RBFOX1: variants seen among roughly 807,000 people sequenced by gnomAD.
RBFOX1 encodes RNA binding fox-1 homolog 1.
A neutral mutation model predicts 57.7 loss-of-function variants in RBFOX1; 8 were observed. That is an observed-to-expected ratio of 0.14 (90% CI 0.08 to 0.25). The LOEUF is 0.25. Among genes scored for constraint, RBFOX1 ranks in the 10% least tolerant of loss-of-function variants. RBFOX1 has a pLI of 1.00. For missense variants in RBFOX1, 611 were observed against 548.5 expected (o/e 1.11, Z -1.14); for synonymous variants, 326 against 222.4 (o/e 1.47, Z -4.15).
At chr16:7,708,184 A>AAAATCAAGATCTGCCCTGTCTAG (rs1568603371) in intron 14 of RBFOX1, among the ~76,000 whole-genome samples, 2 of 152,038 alleles carry the variant, frequency 1.3e-5, no homozygotes, top group Admixed American at 6.5e-5. Context: ...CCCCTCATAA[A>AAAATCAAGATCTGCCCTGTCTAG]AAATCAAGAT....
At chr16:7,671,497 C>T in intron 13 of RBFOX1, 3 of 1,440,098 alleles carry the variant, frequency 2.1e-6, no homozygotes, top group South Asian at 1.2e-5. Flanking sequence ...CTGACTTATG[C>T]ATTCTCTTTT....
chr16:6,367,439 T>C (rs1293823856), intron 2 of RBFOX1, among the ~76,000 whole-genome samples: 1 of 152,004 alleles, frequency 6.6e-6, no homozygotes, highest in Non-Finnish European at 1.5e-5. Flanking sequence ...CCCGGCTAAT[T>C]TTTTGCATTT....
intron 4 of RBFOX1, among the ~76,000 whole-genome samples, chr16:7,296,614 G>C (rs1387800104): frequency 6.6e-6 from 1 of 152,160 alleles, no homozygotes; most frequent in African/African-American, 2.4e-5. Flanking sequence ...AAACCAGTTT[G>C]TGTGTTTCTG....
intron 1 of RBFOX1, among the ~76,000 whole-genome samples, chr16:6,218,970 C>CAT (rs2097354256): frequency 6.6e-6 from 1 of 152,060 alleles, no homozygotes; most frequent in African/African-American, 2.4e-5. Context: ...GCATAATAGT[C>CAT]AGTAGCACGT....
At chr16:6,515,543 G>C (rs1286138572) in intron 2 of RBFOX1, among the ~76,000 whole-genome samples, 1 of 152,134 alleles carries the variant, frequency 6.6e-6, no homozygotes, top group Non-Finnish European at 1.5e-5. Context: ...CTTGAGAGCA[G>C]ACATTTATGA....
chr16:5,963,267 C>G (rs992744293), intron 4 of RBFOX1, among the ~76,000 whole-genome samples: 1 of 152,106 alleles, frequency 6.6e-6, no homozygotes, highest in African/African-American at 2.4e-5. Context: ...CATTACATGA[C>G]CATTGCAGGT....
At chr16:6,972,621 C>T (rs1195988175) in intron 3 of RBFOX1, among the ~76,000 whole-genome samples, 2 of 151,936 alleles carry the variant, frequency 1.3e-5, no homozygotes, top group South Asian at 2.1e-4. Flanking sequence ...ATTGATGATG[C>T]AGGAGAACAA....
At chr16:6,754,128 C>T (rs939266197) in intron 3 of RBFOX1, among the ~76,000 whole-genome samples, 3 of 152,186 alleles carry the variant, frequency 2.0e-5, no homozygotes, top group African/African-American at 7.2e-5. Context: ...TATCATTTCA[C>T]TTCATATTAT....
intron 4 of RBFOX1, among the ~76,000 whole-genome samples, chr16:7,199,161 G>C (rs538428823): frequency 6.6e-6 from 1 of 152,284 alleles, no homozygotes; most frequent in Non-Finnish European, 1.5e-5. Flanking sequence ...AATTGGAAAT[G>C]GATGGATTTT....
intron 4 of RBFOX1, among the ~76,000 whole-genome samples, chr16:7,234,418 G>A (rs950284986): frequency 1.3e-5 from 2 of 152,014 alleles, no homozygotes; most frequent in African/African-American, 2.4e-5. Context: ...CCTTTGGGAG[G>A]TAAAAGCTAA....
intron 2 of RBFOX1, among the ~76,000 whole-genome samples, chr16:5,519,819 C>G (rs2043941965): frequency 6.6e-6 from 1 of 152,086 alleles, no homozygotes; most frequent in African/African-American, 2.4e-5. Context: ...CTTGTTTTTT[C>G]TTTAAAACTT....
At position 7,653,967 on chromosome 16, in the gene RBFOX1, G is replaced by T. The variant is rs750258747; in HGVS notation, c.890+20G>T. On this transcript the variant is annotated intron_variant, in intron 12 of 15. Transcript: ENST00000550418. Reference sequence around the variant, plus strand: ...CGGCGGGTAAGTGGGGCAGCCTCCTGGGTGGGCCTCCCTGCACCAGCCCTC... The same window carrying T: ...CGGCGGGTAAGTGGGGCAGCCTCCTTGGTGGGCCTCCCTGCACCAGCCCTC... The T allele has an allele frequency of 9.4e-6, 14 of 1,481,994 alleles. No individual in the cohort carries two copies. The Middle Eastern group carries it at 9.4e-4, about 100-fold the overall frequency. The allele number at this position is 1,481,994 out of a possible 1,614,324, so 91.8% of individuals were successfully genotyped here.
intron 2 of RBFOX1, among the ~76,000 whole-genome samples, chr16:5,575,302 A>ATCC (rs2046415903): frequency 6.6e-6 from 1 of 152,042 alleles, no homozygotes; most frequent in African/African-American, 2.4e-5. Context: ...CATCATCATC[A>ATCC]TTTTCATTAT....
At chr16:6,674,026 G>A (rs977685120) in intron 3 of RBFOX1, among the ~76,000 whole-genome samples, 4 of 152,146 alleles carry the variant, frequency 2.6e-5, no homozygotes, top group Non-Finnish European at 5.9e-5. Flanking sequence ...GACATGTTAA[G>A]AGAATCCTAT....
chr16:6,790,346 G>A (rs1441525489), intron 3 of RBFOX1, among the ~76,000 whole-genome samples: 2 of 151,784 alleles, frequency 1.3e-5, no homozygotes, highest in Non-Finnish European at 2.9e-5. Flanking sequence ...CACCATGCCT[G>A]GCTAATTTTT....
intron 4 of RBFOX1, among the ~76,000 whole-genome samples, chr16:7,158,176 G>A (rs753535612): frequency 3.3e-5 from 5 of 152,042 alleles, no homozygotes; most frequent in Non-Finnish European, 5.9e-5. Flanking sequence ...GTGAAACCCT[G>A]TCTCTATAAA....
chr16:6,943,395 C>T (rs1003735537), intron 3 of RBFOX1, among the ~76,000 whole-genome samples: 1 of 152,090 alleles, frequency 6.6e-6, no homozygotes, highest in Admixed American at 6.6e-5. Context: ...ACAGACAAGA[C>T]TGAAAATCTA....
intron 3 of RBFOX1, among the ~76,000 whole-genome samples, chr16:6,797,041 G>T (rs1197834696): frequency 1.3e-5 from 2 of 152,084 alleles, no homozygotes; most frequent in Admixed American, 1.3e-4. Context: ...GGTCTAAAAG[G>T]TTTCCACTCT....
At chr16:6,072,278 G>A (rs749895166) in intron 1 of RBFOX1, among the ~76,000 whole-genome samples, 3 of 152,130 alleles carry the variant, frequency 2.0e-5, no homozygotes, top group Non-Finnish European at 2.9e-5. Flanking sequence ...CAATACATGT[G>A]GGCATAATGG....
Sources: allele counts gnomAD v4.1 joint callset (sites outside exome capture counted in the v4.1 genomes callset), GRCh38; gene constraint gnomAD v4.1.1; transcripts MANE v1.5; gene names NCBI Gene and HGNC (gene_info 2026-07-23, HGNC 2026-07-21).